The following LUC7L variants were observed in gnomAD, a reference collection of about 807,000 sequenced individuals.
The protein encoded by LUC7L is putative RNA-binding protein Luc7-like 1.
Under a neutral mutation model 51.1 loss-of-function variants are expected in LUC7L, and 29 were observed. The observed-to-expected ratio is 0.57, with a 90% CI of 0.42 to 0.77. The LOEUF is 0.77. Ranked by LOEUF, LUC7L falls within the 30% of genes least tolerant of loss-of-function variation. The pLI is 0.00. For synonymous variants in LUC7L, 181 were observed against 180.7 expected (o/e 1.00, Z -0.01); for missense variants, 403 against 511.9 (o/e 0.79, Z 2.05).
intron 2 of LUC7L, among the ~76,000 whole-genome samples, chr16:221,754 A>G (rs959509538): frequency 6.6e-6 from 1 of 152,194 alleles, no homozygotes; most frequent in Admixed American, 6.6e-5. Flanking sequence ...TCACTGCAAC[A>G]AATTTCTAGG....
rs141488124 is a variant in LUC7L, at chr16:213,482, C to T, written c.256-5294G>A. ...AGGCAACATCTGAGCTCACTGCAACCTCTGCCTCCCAGGCTCAAGCAATTC... is the reference window on the plus strand; with the variant it reads ...AGGCAACATCTGAGCTCACTGCAACTTCTGCCTCCCAGGCTCAAGCAATTC... On this transcript the variant is annotated intron_variant, in intron 3 of 9. Coordinates refer to ENST00000293872, the MANE Select transcript of LUC7L (RefSeq NM_201412.3). Among the ~76,000 whole-genome samples the T allele has an allele frequency of 5.8e-3, 881 of 152,274 alleles. 9 individuals are homozygous for T. The highest frequency in any genetic ancestry group is 0.021 in the African/African-American group (853 of 41,556).
chr16:207,531 A>G (rs776816908), intron 4 of LUC7L, among the ~76,000 whole-genome samples: 41 of 152,180 alleles, frequency 2.7e-4, no homozygotes, highest in Non-Finnish European at 4.6e-4. Context: ...AGAATATATT[A>G]AAATTAAAAA....
rs933019295 is a variant in LUC7L, at chr16:227,451, C to T, written c.62-115G>A. ...CAGACTATCATTTCTGTGTTCTCCC[C>T]ATCAAATGCAATGAAAAGCTGATCT... On this transcript the variant is annotated intron_variant, in intron 1 of 9. Coordinates refer to ENST00000293872, the MANE Select transcript of LUC7L (RefSeq NM_201412.3). 15 of 1,489,872 alleles carry T rather than the reference C, an allele frequency of 1.0e-5. No homozygotes were observed. In the Admixed American group the frequency reaches 3.1e-4, roughly 31 times the overall value. 92.3% of individuals were successfully genotyped at this position (1,489,872 alleles called of 1,614,324 possible). A position where few individuals can be genotyped will look rare whatever the true frequency, so the allele number is the denominator to read the frequency against.
chr16:214,309 C>T (rs1248323529), intron 3 of LUC7L, among the ~76,000 whole-genome samples: 3 of 152,122 alleles, frequency 2.0e-5, no homozygotes, highest in Non-Finnish European at 4.4e-5. Context: ...ATCCACCCAC[C>T]TCAGCCTCCC....
rs113479467 is a variant in LUC7L at position 205,824 on chromosome 16, C to T, written c.510+180G>A. Reference sequence around the variant, plus strand: ...CCAGGATGGTCTTATCTCCTGACCTCGTGATCCGCCCGCCTCGGCCTTCCA... The same window carrying T: ...CCAGGATGGTCTTATCTCCTGACCTTGTGATCCGCCCGCCTCGGCCTTCCA... On this transcript the variant is annotated intron_variant, in intron 5 of 9. Coordinates refer to ENST00000293872, the MANE Select transcript of LUC7L (RefSeq NM_201412.3). Among the ~76,000 whole-genome samples, 1,081 of 152,240 alleles carry T rather than the reference C, an allele frequency of 7.1e-3. 13 individuals are homozygous for T. The highest frequency in any genetic ancestry group is 0.024 in the African/African-American group (1,014 of 41,566).
chr16:191,466 C>T (rs549286046), intron 7 of LUC7L, among the ~76,000 whole-genome samples: 172 of 152,264 alleles, frequency 1.1e-3, no homozygotes, highest in African/African-American at 3.9e-3. Flanking sequence ...AAAATGTAAA[C>T]TCCATGCAAA....
intron 6 of LUC7L, 140 bp from the exon 7 acceptor site, chr16:193,155 T>G (rs1596594988): frequency 5.6e-6 from 4 of 718,272 alleles, no homozygotes; most frequent in Non-Finnish European, 9.7e-6. Context: ...TGGGAATACT[T>G]TTTTTTTTCT....
rs2049593937 is a variant in LUC7L at position 209,983 on chromosome 16, T to C, written c.256-1795A>G. On this transcript the variant is annotated intron_variant, in intron 3 of 9. Coordinates refer to ENST00000293872, the MANE Select transcript of LUC7L (RefSeq NM_201412.3). ...GACTCCCAGATATCACTCCATAATT[T>C]TGGAATTCAAAAACTGCCTCTTGGC... 2.0e-5 allele frequency among the ~76,000 whole-genome samples: 3 copies of C among 152,208 alleles called. 1 individual carries two copies. Among genetic ancestry groups the C allele is most frequent in the South Asian group, 4.1e-4 (2 of 4,822 alleles).
intron 5 of LUC7L, among the ~76,000 whole-genome samples, chr16:202,836 T>C (rs2049372459): frequency 6.6e-6 from 1 of 152,068 alleles, no homozygotes; most frequent in Admixed American, 6.6e-5. Flanking sequence ...AGCGATAAAC[T>C]AGATGAAATG....
chr16:208,730 A>G lies in LUC7L; in HGVS notation c.256-542T>C, dbSNP rs537386219. ...TGAATACATTTTGTTATTGCCTACT[A>G]TCTAAAGTAGCAGGAAAAATTGGTT... is the stretch of plus-strand genomic sequence containing the variant. On this transcript the variant is annotated intron_variant, in intron 3 of 9. Transcript: ENST00000293872. The G allele has an allele frequency of 6.1e-6, 4 of 658,210 alleles. No individual in the cohort carries two copies. In the East Asian group the frequency reaches 4.1e-4, roughly 67 times the overall value. The allele number at this position is 658,210 out of a possible 1,614,324, so 40.8% of individuals were successfully genotyped here. A position where few individuals can be genotyped will look rare whatever the true frequency, so the allele number is the denominator to read the frequency against.
At chr16:201,737 CTTTTTTTTTTTT>C (rs34083330) in intron 5 of LUC7L, among the ~76,000 whole-genome samples, 3 of 54,306 alleles carry the variant, frequency 5.5e-5, no homozygotes, top group Non-Finnish European at 9.3e-5. Flanking sequence ...CCGCACCAGG[CTTTTTTTTTTTT>C]TTTTTTTTTT....
At chr16:216,211 AG>A (rs906665363) in intron 3 of LUC7L, among the ~76,000 whole-genome samples, 2 of 151,836 alleles carry the variant, frequency 1.3e-5, no homozygotes, top group Non-Finnish European at 2.9e-5. Flanking sequence ...CATGATGGTC[AG>A]GCTGGTCTCG....
In LUC7L at chr16:226,123, AC is replaced by A. The variant is rs551680697; in HGVS notation, c.156+1118del. On this transcript the variant is annotated intron_variant, in intron 2 of 9. Coordinates refer to ENST00000293872, the MANE Select transcript of LUC7L (RefSeq NM_201412.3). ...CATCCCAGGCCAAACAGCAGACAAC[AC>A]CCCAAGGAACAGAGGCACAAGGTTT... 1.9e-4 allele frequency among the ~76,000 whole-genome samples: 29 copies of A among 152,248 alleles called. No homozygotes were observed. In the East Asian group the frequency reaches 5.0e-3, roughly 26 times the overall value.
At chr16:215,494 C>T (rs926453420) in intron 3 of LUC7L, among the ~76,000 whole-genome samples, 1 of 152,074 alleles carries the variant, frequency 6.6e-6, no homozygotes, top group African/African-American at 2.4e-5. Context: ...GTGGCGCGTG[C>T]CTGCAATCCC....
chr16:226,438 C>A (rs567067665), intron 2 of LUC7L, among the ~76,000 whole-genome samples: 13 of 152,180 alleles, frequency 8.5e-5, no homozygotes, highest in Admixed American at 2.6e-4. Flanking sequence ...ATTCTTACTT[C>A]GAATAAATGC....
chr16:228,528 G>GT (rs2050183200), intron 1 of LUC7L: 3 of 1,213,454 alleles, frequency 2.5e-6, no homozygotes, highest in Non-Finnish European at 3.2e-6. Context: ...ATGAAATAAA[G>GT]TGCAAATAAT....
chr16:196,145 C>T (rs1299552081), intron 6 of LUC7L, among the ~76,000 whole-genome samples: 5 of 152,084 alleles, frequency 3.3e-5, no homozygotes, highest in East Asian at 3.9e-4. Flanking sequence ...CTGTGGCCCA[C>T]GCCTGTAATC....
intron 3 of LUC7L, chr16:220,305 A>T: frequency 5.9e-6 from 1 of 170,552 alleles, no homozygotes. Flanking sequence ...GGGCAAACAG[A>T]AACATGATAC....
chr16:228,819 T>C (rs1231035465), intron 1 of LUC7L: 4 of 1,292,078 alleles, frequency 3.1e-6, no homozygotes, highest in Non-Finnish European at 4.0e-6. Flanking sequence ...CGGTTCCCCT[T>C]GCAATGGTAC....
Sources: allele counts gnomAD v4.1 joint callset (sites outside exome capture counted in the v4.1 genomes callset), GRCh38; gene constraint gnomAD v4.1.1; transcripts MANE v1.5; gene names NCBI Gene and HGNC (gene_info 2026-07-23, HGNC 2026-07-21).